ARHGEF18: variants seen among roughly 807,000 people sequenced by gnomAD.
The protein encoded by ARHGEF18 is Rho/Rac guanine nucleotide exchange factor 18.
Under a neutral mutation model 155.7 loss-of-function variants are expected in ARHGEF18, and 93 were observed. That is an observed-to-expected ratio of 0.60 (90% confidence interval 0.50 to 0.71). The LOEUF is 0.71. ARHGEF18 is among the 30% of genes least tolerant of loss of function. The pLI is 0.00. For synonymous variants in ARHGEF18, 742 were observed against 753.1 expected (o/e 0.99, Z 0.24); for missense variants, 1,593 against 1,816.1 (o/e 0.88, Z 2.23).
chr19:7,474,754 A>AGTGAGTGTGTGTGTGTGTGTGTGTGTGT (rs796866599), downstream of ARHGEF18, among the ~76,000 whole-genome samples: 25 of 141,968 alleles, frequency 1.8e-4, no homozygotes, highest in African/African-American at 5.8e-4. Context: ...TGGGCATTGG[A>AGTGAGTGTGTGTGTGTGTGTGTGTGTGT]GTGTGTGTGT....
the ARHGEF18 span, among the ~76,000 whole-genome samples, chr19:7,477,988 C>G: frequency 6.6e-6 from 1 of 152,222 alleles, no homozygotes; most frequent in African/African-American, 2.4e-5. Flanking sequence ...CACCACTGTG[C>G]TCCAGCCTGG....
At chr19:7,449,576 G>A (rs960406720) in intron 15 of ARHGEF18, among the ~76,000 whole-genome samples, 4 of 152,136 alleles carry the variant, frequency 2.6e-5, no homozygotes, top group East Asian at 3.8e-4. Flanking sequence ...AGTTCTGGAG[G>A]GTTCCAGCAG....
chr19:7,410,450 G>T (rs1972608087), intron 10 of ARHGEF18, among the ~76,000 whole-genome samples: 1 of 151,414 alleles, frequency 6.6e-6, no homozygotes, highest in African/African-American at 2.4e-5. Flanking sequence ...CAGCTTTCTG[G>T]AAGATTTCAG....
chr19:7,467,667 C>G lies in ARHGEF18; in HGVS notation c.3463C>G (p.Pro1155Ala). ...GAACACCGCGCCAGGCGCGCTGCCG[C>G]CCGACACACTGGCCGAGGTGAGCGC... ...KQNTAPGALPPDTLAEAQPPS... is the reference protein window; with the variant it reads ...KQNTAPGALPADTLAEAQPPS... The change falls in exon 26 of 29, where the codon CCC (proline) becomes GCC (alanine). Residue 1155 changes from proline to alanine, a missense_variant. Transcript: ENST00000668164. The G allele has an allele frequency of 6.6e-7, 1 of 1,509,526 alleles. No homozygotes were observed. Among genetic ancestry groups the G allele is most frequent in the East Asian group, 2.6e-5 (1 of 38,558 alleles). 93.5% of individuals were successfully genotyped at this position (1,509,526 alleles called of 1,614,324 possible).
rs1247946602 is a variant in ARHGEF18, at chr19:7,464,551, G to T, written c.2774-9G>T. Reference sequence around the variant, plus strand: ...CAGCATCCTCATGCCCCTGGCTTGGGGTTCTCAGATGGCAGTTTCAAGAAG... The same window carrying T: ...CAGCATCCTCATGCCCCTGGCTTGGTGTTCTCAGATGGCAGTTTCAAGAAG... On this transcript the variant is annotated splice_polypyrimidine_tract_variant and intron_variant, in intron 22 of 28. Coordinates refer to ENST00000668164, the MANE Select transcript of ARHGEF18 (RefSeq NM_001367823.1). The T allele has an allele frequency of 6.2e-7, 1 of 1,607,086 alleles. No individual in the cohort carries two copies. Among genetic ancestry groups the T allele is most frequent in the East Asian group, 2.2e-5 (1 of 44,668 alleles).
At chr19:7,427,092 A>G (rs1316064767) in intron 10 of ARHGEF18, among the ~76,000 whole-genome samples, 1 of 152,152 alleles carries the variant, frequency 6.6e-6, no homozygotes, top group Non-Finnish European at 1.5e-5. Flanking sequence ...CCCCCACTGC[A>G]GGCAAGAATG....
chr19:7,394,172 G>A (rs1568293778), intron 10 of ARHGEF18, among the ~76,000 whole-genome samples: 1 of 150,532 alleles, frequency 6.6e-6, no homozygotes, highest in East Asian at 2.0e-4. Context: ...ACCGCAGCCT[G>A]GACCTCCCAG....
At chr19:7,350,114 A>G (rs1409727616) in intron 1 of ARHGEF18, among the ~76,000 whole-genome samples, 1 of 152,024 alleles carries the variant, frequency 6.6e-6, no homozygotes, top group Non-Finnish European at 1.5e-5. Context: ...GACCTCCTGC[A>G]CCACCGCCTG....
intron 1 of ARHGEF18, among the ~76,000 whole-genome samples, chr19:7,352,531 C>CTTTTTTTTTTTT (rs35219215): frequency 1.1e-5 from 1 of 93,196 alleles, no homozygotes. Flanking sequence ...CCTAGGTTTC[C>CTTTTTTTTTTTT]TTTTTTTTTT....
At chr19:7,419,232 TACCCCGATGTACCCACACTCGGCCTCCGC>T (rs1238219997) in intron 10 of ARHGEF18, among the ~76,000 whole-genome samples, 10,461 of 135,226 alleles carry the variant, frequency 0.077, 1,189 homozygotes, top group African/African-American at 0.23. Flanking sequence ...TCGGCCTCTG[TACCCCGATGTACCCACACTCGGCCTCCGC>T]ACCCCAGGTG....
Position 7,470,119 on chromosome 19 carries a change from G to C in ARHGEF18, c.3914-7G>C, listed in dbSNP as rs1168437426. ...ACTGCTCAGTCTGAACCCTCTCTCT[G>C]TTCCAGACCCTGGCTTCCCCGCCCC... On this transcript the variant is annotated splice_polypyrimidine_tract_variant and splice_region_variant and intron_variant, in intron 28 of 28. Transcript: ENST00000668164. This position sits in a 1 kb window ranked among gnomAD's most constrained non-coding sequence, Gnocchi z 5.9. 2 of 1,612,250 alleles carry C rather than the reference G, an allele frequency of 1.2e-6. No homozygotes were observed.
At chr19:7,450,409 A>T (rs62109773) in intron 15 of ARHGEF18, among the ~76,000 whole-genome samples, 1 of 706 alleles carries the variant, frequency 1.4e-3, no homozygotes, top group African/African-American at 4.7e-3. Context: ...GTCCGTTTCC[A>T]AGATGTTAAT....
At chr19:7,459,739 A>G (rs935589518) in intron 19 of ARHGEF18, among the ~76,000 whole-genome samples, 164 bp from the exon 20 acceptor site, 2 of 152,170 alleles carry the variant, frequency 1.3e-5, no homozygotes, top group Non-Finnish European at 2.9e-5. Flanking sequence ...GATGAATGTC[A>G]GTGGCTCTCT....
chr19:7,476,469 A>G (rs1977230415), downstream of ARHGEF18, among the ~76,000 whole-genome samples: 1 of 152,244 alleles, frequency 6.6e-6, no homozygotes, highest in South Asian at 2.1e-4. Flanking sequence ...CAGACTAAGC[A>G]GTGCCCTCAT....
chr19:7,467,508 C>G lies in ARHGEF18; in HGVS notation c.3304C>G (p.Leu1102Val). The G allele has an allele frequency of 2.1e-6, 3 of 1,432,620 alleles. No individual in the cohort carries two copies. Among genetic ancestry groups the G allele is most frequent in the South Asian group, 2.9e-5 (2 of 69,224 alleles). The allele number at this position is 1,432,620 out of a possible 1,614,324, so 88.7% of individuals were successfully genotyped here. A position where few individuals can be genotyped will look rare whatever the true frequency, so the allele number is the denominator to read the frequency against. ...CGAGGCGCGGCAGCTACGCGAGCGG[C>G]TGGAGCAGGAGCGGGCCGAGCTGGA... is the stretch of plus-strand genomic sequence containing the variant. ...EGEARQLRER[L>V]EQERAELERQ... Residue 1102 changes from leucine (L) to valine (V), a missense_variant, in exon 26 of 29, where the codon CTG (leucine) becomes GTG (valine). By Grantham distance (32) the Leu-to-Val change is conservative (BLOSUM62 1). Transcript: ENST00000668164.
chr19:7,420,605 C>T (rs1306774021), intron 10 of ARHGEF18, among the ~76,000 whole-genome samples: 1 of 152,204 alleles, frequency 6.6e-6, no homozygotes, highest in African/African-American at 2.4e-5. Context: ...AAGCATTTGA[C>T]TCTGTTTCGT....
chr19:7,467,666 G>T lies in ARHGEF18; in HGVS notation c.3462G>T (p.Pro1154=), dbSNP rs1381487652. ...AGAACACCGCGCCAGGCGCGCTGCC[G>T]CCCGACACACTGGCCGAGGTGAGCG... is the stretch of plus-strand genomic sequence containing the variant. ...KKQNTAPGAL[P]PDTLAEAQPP... The change falls in exon 26 of 29, where the codon CCG becomes CCT. Residue 1154 remains proline (P), a synonymous_variant. Transcript: ENST00000668164. 1 of 1,509,856 alleles carries T rather than the reference G, an allele frequency of 6.6e-7. No homozygotes were observed. The highest frequency in any genetic ancestry group is 2.1e-5 in the Admixed American group (1 of 46,842). 93.5% of individuals were successfully genotyped at this position (1,509,856 alleles called of 1,614,324 possible).
intron 10 of ARHGEF18, among the ~76,000 whole-genome samples, chr19:7,386,479 G>C (rs1419573274): frequency 6.6e-6 from 1 of 151,958 alleles, no homozygotes. Context: ...TCACCCCCAG[G>C]TGAGGACCAC....
rs4804577 is a variant in ARHGEF18, at chr19:7,395,973, A to T, written c.967+12770A>T. On this transcript the variant is annotated intron_variant, in intron 10 of 28. Coordinates refer to ENST00000668164, the MANE Select transcript of ARHGEF18 (RefSeq NM_001367823.1). This position sits in a 1 kb window ranked among gnomAD's most constrained non-coding sequence, Gnocchi z 5.0. ...AGGTACTGAGCATAGTACTCAATAG[A>T]TAGTTTCAACCCTTGACCTCCTCCT... is the stretch of plus-strand genomic sequence containing the variant. 0.91 allele frequency among the ~76,000 whole-genome samples: 138,584 copies of T among 152,080 alleles called. 63,319 individuals carry two copies. Among genetic ancestry groups the T allele is most frequent in the African/African-American group, 0.97 (40,372 of 41,492 alleles).
Sources: gnomAD v4.1 joint callset for allele counts (sites outside exome capture counted in the v4.1 genomes callset) on GRCh38, gnomAD v4.1.1 for gene constraint, Gnocchi (gnomAD v3.1) non-coding constraint, MANE v1.5 for transcripts, NCBI Gene and HGNC (gene_info 2026-07-23, HGNC 2026-07-21) for gene names.